SPATA6: variants seen among roughly 807,000 people sequenced by gnomAD.
SPATA6 encodes the protein spermatogenesis associated 6.
Under a neutral mutation model 65.3 loss-of-function variants are expected in SPATA6, and 56 were observed. That is an observed-to-expected ratio of 0.86 (90% CI 0.69 to 1.07). SPATA6 has a LOEUF of 1.07. Ranked by LOEUF, SPATA6 falls within the 50% of genes least tolerant of loss-of-function variation. SPATA6 has a pLI of 0.00. For missense variants in SPATA6, 590 were observed against 594.8 expected (o/e 0.99, Z 0.08); for synonymous variants, 199 against 213.2 (o/e 0.93, Z 0.58).
At chr1:48,307,778 C>G (rs61772951) in intron 11 of SPATA6, among the ~76,000 whole-genome samples, 1,664 of 151,744 alleles carry the variant, frequency 0.011, 17 homozygotes, top group Middle Eastern at 0.071. Context: ...CTTTTAAGTG[C>G]ATATATATTT....
the SPATA6 span, among the ~76,000 whole-genome samples, chr1:48,280,621 A>G: frequency 1.3e-5 from 2 of 152,226 alleles, no homozygotes; most frequent in Admixed American, 6.5e-5. Context: ...CACCCTCCCA[A>G]GATTAAACCA....
In SPATA6 at chr1:48,353,434, G is replaced by GA. The variant is rs761585999; in HGVS notation, c.1194+2235dup. ...ATAAAAATACTACATTTTCATTCTT[G>GA]AAAAAAAAAAAACTCACGTGTTACT... is the stretch of plus-strand genomic sequence containing the variant. On this transcript the variant is annotated intron_variant, in intron 11 of 12. Coordinates refer to ENST00000371847, the MANE Select transcript of SPATA6 (RefSeq NM_019073.4). Among the ~76,000 whole-genome samples the GA allele has an allele frequency of 3.8e-3, 508 of 133,928 alleles. 4 individuals carry two copies. The highest frequency in any genetic ancestry group is 0.015 in the Admixed American group (199 of 13,410). 87.9% of individuals were successfully genotyped at this position (133,928 alleles called of 152,430 possible).
intron 11 of SPATA6, chr1:48,325,423 T>A (rs934226214): frequency 3.0e-6 from 4 of 1,319,326 alleles, no homozygotes; most frequent in Non-Finnish European, 4.4e-6. Context: ...CCCAGCTTCT[T>A]CTTGACTGGG....
intron 3 of SPATA6, among the ~76,000 whole-genome samples, chr1:48,425,496 A>T (rs1241135097): frequency 6.6e-6 from 1 of 152,214 alleles, no homozygotes; most frequent in Non-Finnish European, 1.5e-5. Flanking sequence ...TAGTATACAA[A>T]GACTAGCTAA....
intron 7 of SPATA6, among the ~76,000 whole-genome samples, chr1:48,395,728 GC>G (rs1231388464): frequency 6.6e-6 from 1 of 151,822 alleles, no homozygotes; most frequent in Non-Finnish European, 1.5e-5. Context: ...TCCTTAGCAT[GC>G]ACATTTTGAA....
intron 7 of SPATA6, among the ~76,000 whole-genome samples, chr1:48,398,612 A>G (rs917887101): frequency 6.6e-6 from 1 of 151,822 alleles, no homozygotes; most frequent in Admixed American, 6.6e-5. Context: ...TATTTTTATT[A>G]GTCTGAAAGC....
At chr1:48,372,250 C>T (rs556091828) in intron 9 of SPATA6, among the ~76,000 whole-genome samples, 305 of 152,264 alleles carry the variant, frequency 2.0e-3, no homozygotes, top group African/African-American at 7.0e-3. Flanking sequence ...ACTGCCTAGA[C>T]ACAATGGGGG....
chr1:48,352,415 T>A (rs1646537343), intron 11 of SPATA6, among the ~76,000 whole-genome samples: 1 of 152,042 alleles, frequency 6.6e-6, no homozygotes, highest in African/African-American at 2.4e-5. Context: ...CAGCAAAACC[T>A]CATGAAAAGC....
At chr1:48,382,103 T>C (rs1648703331) in intron 9 of SPATA6, among the ~76,000 whole-genome samples, 3 of 88,264 alleles carry the variant, frequency 3.4e-5, no homozygotes, top group Non-Finnish European at 4.6e-5. Context: ...CCATGTCTAC[T>C]TCTATCCACA....
chr1:48,463,298 A>G (rs911381002), intron 1 of SPATA6, among the ~76,000 whole-genome samples: 1 of 152,188 alleles, frequency 6.6e-6, no homozygotes, highest in Non-Finnish European at 1.5e-5. Flanking sequence ...TCATTAAAAT[A>G]CCACAATAAA....
chr1:48,311,990 T>C (rs771783626), intron 11 of SPATA6, among the ~76,000 whole-genome samples: 3 of 152,134 alleles, frequency 2.0e-5, no homozygotes, highest in Non-Finnish European at 4.4e-5. Flanking sequence ...CAGTCTGAGA[T>C]AAAACTGCAA....
intron 11 of SPATA6, among the ~76,000 whole-genome samples, chr1:48,307,741 C>A (rs1645097191): frequency 6.6e-6 from 1 of 151,648 alleles, no homozygotes; most frequent in African/African-American, 2.4e-5. Context: ...TCTATTCTAT[C>A]AGTTTTTCCT....
chr1:48,463,073 C>T (rs934578786), intron 1 of SPATA6, among the ~76,000 whole-genome samples: 4 of 152,176 alleles, frequency 2.6e-5, no homozygotes, highest in African/African-American at 9.7e-5. Context: ...AAGACTTACA[C>T]CTGGTTCTCA....
chr1:48,367,623 G>C (rs1167327634), intron 9 of SPATA6, among the ~76,000 whole-genome samples: 1 of 151,954 alleles, frequency 6.6e-6, no homozygotes, highest in Admixed American at 6.6e-5. Flanking sequence ...TGCAACCCCT[G>C]CCTTTTTTTG....
rs1385930698 is a variant in SPATA6, at chr1:48,461,466, T to C, written c.52-8335A>G. On this transcript the variant is annotated intron_variant, in intron 1 of 12. Coordinates refer to ENST00000371847, the MANE Select transcript of SPATA6 (RefSeq NM_019073.4). ...AGGTTTTCTTCTAGGGTTTTTATGG[T>C]TTTAGGTCTAACATTTAAGTCTTTA... 2.0e-5 allele frequency among the ~76,000 whole-genome samples: 3 copies of C among 152,192 alleles called. No homozygotes were observed. The East Asian group carries it at 5.8e-4, about 29-fold the overall frequency.
intron 8 of SPATA6, among the ~76,000 whole-genome samples, chr1:48,388,305 C>G (rs1197213264): frequency 6.6e-6 from 1 of 151,610 alleles, no homozygotes; most frequent in African/African-American, 2.4e-5. Flanking sequence ...AGTGCCCTAC[C>G]CAACCAGTAA....
chr1:48,394,088 A>G (rs1248145628), intron 8 of SPATA6, among the ~76,000 whole-genome samples: 1 of 152,158 alleles, frequency 6.6e-6, no homozygotes, highest in Non-Finnish European at 1.5e-5. Context: ...AGCAAATATT[A>G]TTGTTATGGA....
At chr1:48,365,838 G>A (rs1383603365) in intron 9 of SPATA6, among the ~76,000 whole-genome samples, 1 of 152,148 alleles carries the variant, frequency 6.6e-6, no homozygotes, top group Non-Finnish European at 1.5e-5. Context: ...ATGTTGAATA[G>A]GAGTGGTGAG....
downstream of SPATA6, among the ~76,000 whole-genome samples, chr1:48,294,929 G>A (rs1644791165): frequency 6.6e-6 from 1 of 152,136 alleles, no homozygotes; most frequent in African/African-American, 2.4e-5. Context: ...AAGCTAGAAG[G>A]CCTTTATCCC....
Sources: allele counts gnomAD v4.1 joint callset (sites outside exome capture counted in the v4.1 genomes callset), GRCh38; gene constraint gnomAD v4.1.1; transcripts MANE v1.5; gene names NCBI Gene and HGNC (gene_info 2026-07-23, HGNC 2026-07-21).